The following ZRANB3 variants were observed in gnomAD, a reference collection of about 807,000 sequenced individuals.
ZRANB3 encodes the protein zinc finger RANBP2-type containing 3.
Under a neutral mutation model 133.8 loss-of-function variants are expected in ZRANB3, and 125 were observed. The observed-to-expected ratio is 0.93, with a 90% CI of 0.81 to 1.08. ZRANB3 has a LOEUF of 1.08. Ranked by LOEUF, ZRANB3 falls within the 50% of genes least tolerant of loss-of-function variation. The pLI is 0.00. For synonymous variants in ZRANB3, 387 were observed against 432.7 expected, an observed-to-expected ratio of 0.89 and a Z score of 1.31; for missense variants, 1,229 against 1,275.5, an observed-to-expected ratio of 0.96 and a Z score of 0.56.
chr2:135,479,940 T>C (rs1476525739), intron 2 of ZRANB3, among the ~76,000 whole-genome samples: 2 of 151,868 alleles, frequency 1.3e-5, no homozygotes, highest in Non-Finnish European at 2.9e-5. Context: ...TTAATTCATA[T>C]TTTCTTTTTT....
At chr2:135,303,906 C>T (rs1003473512) in intron 8 of ZRANB3, among the ~76,000 whole-genome samples, 6 of 152,062 alleles carry the variant, frequency 3.9e-5, no homozygotes, top group Admixed American at 1.3e-4. Flanking sequence ...TATTTCAAAT[C>T]GTATTTTTAA....
intron 3 of ZRANB3, among the ~76,000 whole-genome samples, chr2:135,385,020 AG>A (rs1461671348): frequency 6.6e-6 from 1 of 152,196 alleles, no homozygotes; most frequent in African/African-American, 2.4e-5. Context: ...AAAGAAATAA[AG>A]GGTATTGAAA....
In ZRANB3 at chr2:135,380,929, G is replaced by A. The variant is rs1485071070; in HGVS notation, c.180+9873C>T. Among the ~76,000 whole-genome samples the A allele has an allele frequency of 9.2e-5, 14 of 152,272 alleles. No individual in the cohort carries two copies. In the South Asian group the frequency reaches 2.3e-3, roughly 25 times the overall value. On this transcript the variant is annotated intron_variant, in intron 3 of 20. Coordinates refer to ENST00000264159, the MANE Select transcript of ZRANB3 (RefSeq NM_032143.4). ...GTCTACAGCCCCTAGCATGAGCGAC[G>A]CAGAAGAGGGGTGATTTCTGCATTT...
chr2:135,431,481 A>G (rs763717177), intron 2 of ZRANB3, among the ~76,000 whole-genome samples: 2 of 152,084 alleles, frequency 1.3e-5, no homozygotes, highest in Admixed American at 1.3e-4. Flanking sequence ...AGTAAATTGG[A>G]CTTCATCAAA....
rs966346433 is a variant in ZRANB3 at position 135,516,105 on chromosome 2, T to C, written c.-7-11609A>G. ...GACACTAGGATTGCAACCCCTGTTT[T>C]TTCTTTTTTTTTTGGCTTTCCATTT... On this transcript the variant is annotated intron_variant, in intron 1 of 20. Coordinates refer to ENST00000264159, the MANE Select transcript of ZRANB3 (RefSeq NM_032143.4). Among the ~76,000 whole-genome samples the C allele has an allele frequency of 2.6e-5, 4 of 152,126 alleles. No individual in the cohort carries two copies. The South Asian group carries it at 6.2e-4, about 24-fold the overall frequency.
chr2:135,416,569 A>C (rs895490493), intron 2 of ZRANB3, among the ~76,000 whole-genome samples: 115 of 151,914 alleles, frequency 7.6e-4, no homozygotes, highest in African/African-American at 2.6e-3. Context: ...ATCCCCATCA[A>C]GCTACCAATG....
At chr2:135,471,096 C>T (rs942064449) in intron 2 of ZRANB3, among the ~76,000 whole-genome samples, 2 of 144,318 alleles carry the variant, frequency 1.4e-5, no homozygotes, top group Non-Finnish European at 3.0e-5. Context: ...CCACTGCACC[C>T]GGCCTCACTT....
intron 8 of ZRANB3, among the ~76,000 whole-genome samples, chr2:135,285,789 A>C (rs765438881): frequency 1.3e-5 from 2 of 152,226 alleles, no homozygotes; most frequent in African/African-American, 2.4e-5. Context: ...GTTGTAATGT[A>C]CTTGAATTGA....
intron 2 of ZRANB3, among the ~76,000 whole-genome samples, chr2:135,438,031 G>GT (rs1416677073): frequency 6.6e-6 from 1 of 152,130 alleles, no homozygotes; most frequent in Non-Finnish European, 1.5e-5. Flanking sequence ...TGGGACATGT[G>GT]TGCTCCTGAT....
chr2:135,422,166 C>T (rs1206439323), intron 2 of ZRANB3, among the ~76,000 whole-genome samples: 1 of 151,876 alleles, frequency 6.6e-6, no homozygotes, highest in Non-Finnish European at 1.5e-5. Context: ...ATTCTCTTGA[C>T]CCCAGTTTTC....
chr2:135,360,682 G>A (rs1195449230), intron 3 of ZRANB3, among the ~76,000 whole-genome samples: 1 of 152,146 alleles, frequency 6.6e-6, no homozygotes, highest in Non-Finnish European at 1.5e-5. Context: ...TCCTGCCTGG[G>A]TGACACAGTG....
chr2:135,226,325 G>A (rs1694759671), intron 14 of ZRANB3, among the ~76,000 whole-genome samples: 1 of 152,178 alleles, frequency 6.6e-6, no homozygotes, highest in Non-Finnish European at 1.5e-5. Flanking sequence ...CAGTTCTAGA[G>A]TAGTATGTAC....
chr2:135,370,492 T>C (rs1475651582), intron 3 of ZRANB3, among the ~76,000 whole-genome samples: 2 of 152,150 alleles, frequency 1.3e-5, no homozygotes, highest in Admixed American at 1.3e-4. Context: ...TCCAGGTTGC[T>C]GCGAATGAAG....
chr2:135,449,395 G>A lies in ZRANB3; in HGVS notation c.161+54934C>T, dbSNP rs139394102. ...AGCACTTTGGGAGGCCAAGGTGGGC[G>A]GATCACCTGAGGTCAGGAGTTCGAG... is the stretch of plus-strand genomic sequence containing the variant. On this transcript the variant is annotated intron_variant, in intron 2 of 20. Coordinates refer to ENST00000264159, the MANE Select transcript of ZRANB3 (RefSeq NM_032143.4). 6.7e-3 allele frequency among the ~76,000 whole-genome samples: 1,019 copies of A among 152,242 alleles called. 8 individuals carry two copies. Among genetic ancestry groups the A allele is most frequent in the South Asian group, 0.042 (201 of 4,824 alleles).
intron 12 of ZRANB3, among the ~76,000 whole-genome samples, chr2:135,258,593 G>T (rs1372295131): frequency 6.6e-6 from 1 of 152,084 alleles, no homozygotes; most frequent in Non-Finnish European, 1.5e-5. Flanking sequence ...CAAGAACCCG[G>T]GTTTTCCTAC....
intron 12 of ZRANB3, among the ~76,000 whole-genome samples, chr2:135,240,959 A>G (rs905756113): frequency 2.0e-5 from 3 of 152,002 alleles, no homozygotes; most frequent in African/African-American, 4.8e-5. Context: ...TAGGCTGCAC[A>G]TTTTTGCTTT....
chr2:135,206,756 CAG>C (rs1453756193), intron 19 of ZRANB3, among the ~76,000 whole-genome samples: 1 of 127,406 alleles, frequency 7.8e-6, no homozygotes, highest in Non-Finnish European at 1.6e-5. Context: ...GAGGGGGGAA[CAG>C]GGGAGGGAGA....
intron 6 of ZRANB3, among the ~76,000 whole-genome samples, chr2:135,341,715 A>C (rs1050199304): frequency 6.7e-6 from 1 of 149,882 alleles, no homozygotes; most frequent in African/African-American, 2.5e-5. Flanking sequence ...CCCTGGGAAA[A>C]TAATGCATTC....
Position 135,504,320 on chromosome 2 carries a change from G to T in ZRANB3, c.161+9C>A. ...TTAACATTTTTAGCATGTCTTCAAA[G>T]AACTTTACCTGCCATTTCTTTTGAG... On this transcript the variant is annotated intron_variant, in intron 2 of 20. Coordinates refer to ENST00000264159, the MANE Select transcript of ZRANB3 (RefSeq NM_032143.4). The T allele has an allele frequency of 2.5e-6, 4 of 1,612,896 alleles. No individual in the cohort carries two copies. The highest frequency in any genetic ancestry group is 3.4e-6 in the Non-Finnish European group (4 of 1,179,422).
Sources: allele counts gnomAD v4.1 joint callset (sites outside exome capture counted in the v4.1 genomes callset), GRCh38; gene constraint gnomAD v4.1.1; transcripts MANE v1.5; gene names NCBI Gene and HGNC (gene_info 2026-07-23, HGNC 2026-07-21).